Variants in AOAH observed in about 807,000 individuals in gnomAD.
The protein encoded by AOAH is acyloxyacyl hydrolase.
A neutral mutation model predicts 92.2 loss-of-function variants in AOAH; 64 were observed. That is an observed-to-expected ratio of 0.69 (90% CI 0.57 to 0.86). The LOEUF (loss-of-function observed/expected upper bound fraction) is 0.86, where lower values mean the gene tolerates loss of function less well. Among genes scored for constraint, AOAH ranks in the 40% least tolerant of loss-of-function variants. AOAH has a pLI of 0.00. For synonymous variants in AOAH, 263 were observed against 254.5 expected, an observed-to-expected ratio of 1.03 and a Z score of -0.32; for missense variants, 656 against 694.6, an observed-to-expected ratio of 0.94 and a Z score of 0.62.
chr7:36,592,100 A>G (rs1445546300), intron 12 of AOAH, among the ~76,000 whole-genome samples: 1 of 152,228 alleles, frequency 6.6e-6, no homozygotes, highest in Non-Finnish European at 1.5e-5. Flanking sequence ...AACTGTGTTC[A>G]TTGTTCATAC....
Position 36,517,262 on chromosome 7 carries a change from C to CTCTT in AOAH, c.1600-3886_1600-3883dup, listed in dbSNP as rs142858220. Among the ~76,000 whole-genome samples the CTCTT allele has an allele frequency of 4.7e-3, 618 of 132,674 alleles. 28 individuals are homozygous for CTCTT. The highest frequency in any genetic ancestry group is 0.019 in the African/African-American group (592 of 31,934). 87.0% of individuals were successfully genotyped at this position (132,674 alleles called of 152,430 possible). A position where few individuals can be genotyped will look rare whatever the true frequency, so the allele number is the denominator to read the frequency against. ...TCTCTCTCTTTCTTTCTGTGTCTCT[C>CTCTT]TCTTTCTTTCTTTCTTTCTTTCTTT... On this transcript the variant is annotated intron_variant, in intron 20 of 20. Transcript: ENST00000617537.
At chr7:36,540,741 CAT>C (rs953205269) in intron 15 of AOAH, among the ~76,000 whole-genome samples, 6 of 152,184 alleles carry the variant, frequency 3.9e-5, no homozygotes, top group African/African-American at 1.4e-4. Flanking sequence ...GCTGAAGTGA[CAT>C]GTGTCATATT....
At chr7:36,519,659 A>G (rs981701803) in intron 20 of AOAH, among the ~76,000 whole-genome samples, 1 of 152,122 alleles carries the variant, frequency 6.6e-6, no homozygotes, top group Admixed American at 6.5e-5. Flanking sequence ...AGAACTCCCG[A>G]CCTCAGGTGA....
chr7:36,680,453 TTG>T (rs1796575211), intron 2 of AOAH, among the ~76,000 whole-genome samples: 2 of 152,230 alleles, frequency 1.3e-5, no homozygotes, highest in Admixed American at 6.5e-5. Flanking sequence ...TTAAAAATAA[TTG>T]TGTGTTTATG....
chr7:36,709,613 A>G (rs1798635307), intron 1 of AOAH, among the ~76,000 whole-genome samples: 1 of 152,140 alleles, frequency 6.6e-6, no homozygotes. Flanking sequence ...TAGGGGTTTT[A>G]GGTTCCAAAG....
At chr7:36,628,740 G>T (rs1421596362) in intron 6 of AOAH, among the ~76,000 whole-genome samples, 1 of 152,226 alleles carries the variant, frequency 6.6e-6, no homozygotes. Context: ...GCAGGGAGAG[G>T]CACTGGGCAG....
intron 1 of AOAH, among the ~76,000 whole-genome samples, chr7:36,693,380 C>T (rs1437031252): frequency 1.3e-5 from 2 of 152,256 alleles, no homozygotes; most frequent in African/African-American, 4.8e-5. Flanking sequence ...TCTACCTAGT[C>T]TCATCCACTT....
intron 1 of AOAH, among the ~76,000 whole-genome samples, chr7:36,712,277 C>T (rs76376969): frequency 0.015 from 2,299 of 152,128 alleles, 50 homozygotes; most frequent in African/African-American, 0.052. Flanking sequence ...GTGTGGTATG[C>T]GGGTGTGGAG....
chr7:36,548,267 CCT>C (rs1785934247), intron 15 of AOAH, among the ~76,000 whole-genome samples: 1 of 152,160 alleles, frequency 6.6e-6, no homozygotes, highest in Non-Finnish European at 1.5e-5. Context: ...CTCATGGCAA[CCT>C]CTGTCTCCTG....
intron 2 of AOAH, among the ~76,000 whole-genome samples, chr7:36,679,164 T>A (rs1027457323): frequency 3.3e-5 from 5 of 152,146 alleles, no homozygotes; most frequent in African/African-American, 1.2e-4. Context: ...GTTACCTTCA[T>A]GTTTACCATC....
At chr7:36,555,273 A>G (rs1251986908) in intron 13 of AOAH, among the ~76,000 whole-genome samples, 1 of 152,108 alleles carries the variant, frequency 6.6e-6, no homozygotes, top group African/African-American at 2.4e-5. Context: ...TTCTGTTTAT[A>G]TGCTGGATTA....
intron 1 of AOAH, among the ~76,000 whole-genome samples, chr7:36,698,366 T>C (rs1797839993): frequency 6.6e-6 from 1 of 152,146 alleles, no homozygotes; most frequent in African/African-American, 2.4e-5. Context: ...TTATTGATCA[T>C]TTCAAAAGGA....
At chr7:36,692,821 A>G (rs10270207) in intron 1 of AOAH, among the ~76,000 whole-genome samples, 2,285 of 152,294 alleles carry the variant, frequency 0.015, 65 homozygotes, top group African/African-American at 0.052. Context: ...CTAAATAAAC[A>G]ATCCCAGAAA....
chr7:36,556,855 T>C (rs1314256191), intron 13 of AOAH, among the ~76,000 whole-genome samples: 6 of 149,934 alleles, frequency 4.0e-5, no homozygotes, highest in South Asian at 2.2e-4. Context: ...TCCTCCATCC[T>C]TTTATTTTGA....
chr7:36,597,055 T>G (rs1769374819), intron 11 of AOAH, among the ~76,000 whole-genome samples: 1 of 152,080 alleles, frequency 6.6e-6, no homozygotes, highest in South Asian at 2.1e-4. Flanking sequence ...CCACGAAACC[T>G]CCATCCTTAT....
chr7:36,717,352 T>A (rs1261736753), intron 1 of AOAH, among the ~76,000 whole-genome samples: 1 of 152,082 alleles, frequency 6.6e-6, no homozygotes, highest in African/African-American at 2.4e-5. Context: ...CTGGCAGCCA[T>A]CTCTGTATTT....
At chr7:36,642,354 A>G (rs760127860) in intron 4 of AOAH, among the ~76,000 whole-genome samples, 14 of 152,172 alleles carry the variant, frequency 9.2e-5, no homozygotes, top group Non-Finnish European at 1.0e-4. Flanking sequence ...TGATGTGAAG[A>G]TACAGGGAGA....
chr7:36,584,139 C>T (rs990060105), intron 12 of AOAH, among the ~76,000 whole-genome samples: 2 of 152,028 alleles, frequency 1.3e-5, no homozygotes, highest in South Asian at 2.1e-4. Context: ...AATGCTTTTT[C>T]GCATAGTGAA....
chr7:36,676,178 T>C (rs1282718870), intron 2 of AOAH, among the ~76,000 whole-genome samples: 1 of 152,202 alleles, frequency 6.6e-6, no homozygotes, highest in African/African-American at 2.4e-5. Flanking sequence ...TGTAAGACTA[T>C]CTTGTGGCTG....
Sources: allele counts gnomAD v4.1 joint callset (sites outside exome capture counted in the v4.1 genomes callset), GRCh38; gene constraint gnomAD v4.1.1; transcripts MANE v1.5; gene names NCBI Gene and HGNC (gene_info 2026-07-23, HGNC 2026-07-21).